The following DMD variants were observed in gnomAD, a reference collection of about 807,000 sequenced individuals.
The protein encoded by DMD is mutant dystrophin.
In DMD, 63 loss-of-function variants were observed where a neutral mutation model predicts 330.1. That is an observed-to-expected ratio of 0.19 (90% CI 0.16 to 0.24). The LOEUF is 0.24. Among genes scored for constraint, DMD ranks in the 10% least tolerant of loss-of-function variants. The probability of loss-of-function intolerance (pLI) is 1.00; values close to 1 mark genes in which losing one functional copy is unlikely to be tolerated. For missense variants in DMD, 3,344 were observed against 2,684.1 expected (o/e 1.25, Z -5.43); for synonymous variants, 1,223 against 959.8 (o/e 1.27, Z -5.07).
intron 2 of DMD, among the ~76,000 whole-genome samples, chrX:32,991,140 T>TA (rs772145208): frequency 9.0e-6 from 1 of 111,383 alleles, no homozygotes; most frequent in South Asian, 3.7e-4. Context: ...ACTTCAAAAT[T>TA]ATATATATTA....
intron 1 of DMD, among the ~76,000 whole-genome samples, chrX:33,172,997 A>AT (rs762500175): frequency 9.0e-6 from 1 of 111,160 alleles, no homozygotes; most frequent in Admixed American, 9.6e-5. Flanking sequence ...TACTTAACAA[A>AT]TTTTTTTTAC....
At chrX:32,980,829 T>C (rs1245986434) in intron 2 of DMD, among the ~76,000 whole-genome samples, 1 of 112,071 alleles carries the variant, frequency 8.9e-6, no homozygotes, top group African/African-American at 3.2e-5. Context: ...ATATCTCCTT[T>C]ACTAATGATA....
At chrX:32,981,456 A>G (rs1443804119) in intron 2 of DMD, among the ~76,000 whole-genome samples, 1 of 111,692 alleles carries the variant, frequency 9.0e-6, no homozygotes, top group Non-Finnish European at 1.9e-5. Flanking sequence ...TTGTCTCTAA[A>G]TAAGGTTTAG....
At chrX:32,767,480 C>G (rs780849051) in intron 7 of DMD, among the ~76,000 whole-genome samples, 6 of 111,492 alleles carry the variant, frequency 5.4e-5, no homozygotes, top group African/African-American at 1.9e-4. Flanking sequence ...CTTACTTTTT[C>G]TAGACTTATA....
chrX:32,076,959 A>G (rs2096357072), intron 44 of DMD, among the ~76,000 whole-genome samples: 1 of 112,040 alleles, frequency 8.9e-6, no homozygotes, highest in East Asian at 2.8e-4. Context: ...TGATGATAAT[A>G]AAATGAGAAA....
At chrX:32,252,737 T>TATATAAATATATAA (rs1569553637) in intron 43 of DMD, among the ~76,000 whole-genome samples, 7 of 35,858 alleles carry the variant, frequency 2.0e-4, no homozygotes, top group African/African-American at 3.2e-4. Flanking sequence ...TATATAAATA[T>TATATAAATATATAA]ATATATAAAT....
At chrX:32,695,332 G>C (rs1395174641) in intron 9 of DMD, among the ~76,000 whole-genome samples, 3 of 111,960 alleles carry the variant, frequency 2.7e-5, no homozygotes, top group Admixed American at 9.5e-5. Flanking sequence ...TCTGAGCTAA[G>C]GGAAGCATAA....
intron 11 of DMD, among the ~76,000 whole-genome samples, chrX:32,643,432 CA>C (rs1169060699): frequency 9.1e-6 from 1 of 110,032 alleles, no homozygotes; most frequent in Non-Finnish European, 1.9e-5. Flanking sequence ...TTCAAATCCA[CA>C]GTTGGCACTT....
chrX:31,187,615 T>C (rs2041891878), intron 67 of DMD, among the ~76,000 whole-genome samples: 1 of 110,646 alleles, frequency 9.0e-6, no homozygotes, highest in African/African-American at 3.3e-5. Flanking sequence ...GTGCACATTA[T>C]ATCTGCCTCT....
intron 1 of DMD, among the ~76,000 whole-genome samples, chrX:33,071,618 G>A (rs1569552632): frequency 1.8e-5 from 2 of 110,557 alleles, no homozygotes; most frequent in Admixed American, 9.7e-5. Flanking sequence ...TGAGCTTAAA[G>A]AATATATTCA....
At chrX:32,125,441 G>A (rs2096657068) in intron 44 of DMD, among the ~76,000 whole-genome samples, 1 of 111,716 alleles carries the variant, frequency 9.0e-6, no homozygotes, top group Admixed American at 9.5e-5. Flanking sequence ...TGAAGGACAA[G>A]GTCGAACATT....
chrX:31,636,301 T>G (rs2148476264), intron 54 of DMD, among the ~76,000 whole-genome samples: 1 of 111,770 alleles, frequency 8.9e-6, no homozygotes, highest in South Asian at 3.8e-4. Context: ...GACATGAGTT[T>G]ACCTATATAA....
At chrX:31,390,718 C>T (rs1238451406) in intron 60 of DMD, among the ~76,000 whole-genome samples, 2 of 111,902 alleles carry the variant, frequency 1.8e-5, no homozygotes, top group African/African-American at 6.5e-5. Flanking sequence ...TTTCTTTCAT[C>T]AAGACAACTG....
At chrX:31,794,831 T>C (rs981009934) in intron 50 of DMD, among the ~76,000 whole-genome samples, 3 of 111,123 alleles carry the variant, frequency 2.7e-5, no homozygotes, top group African/African-American at 9.8e-5. Flanking sequence ...CAAGATATGA[T>C]TGCGTCAAAG....
At chrX:32,668,716 C>A (rs964077816) in intron 9 of DMD, among the ~76,000 whole-genome samples, 2 of 110,341 alleles carry the variant, frequency 1.8e-5, no homozygotes, top group African/African-American at 3.3e-5. Flanking sequence ...TGCTCTCTTC[C>A]CTATGCCATC....
chrX:32,489,617 C>T (rs1160711161), intron 20 of DMD, among the ~76,000 whole-genome samples: 2 of 111,193 alleles, frequency 1.8e-5, no homozygotes, highest in East Asian at 2.8e-4. Flanking sequence ...TTTAAGCCAC[C>T]GAGTCTGTGG....
intron 9 of DMD, among the ~76,000 whole-genome samples, chrX:32,682,390 C>A (rs773460516): frequency 9.0e-6 from 1 of 111,388 alleles, no homozygotes; most frequent in African/African-American, 3.3e-5. Flanking sequence ...TGACCGACTG[C>A]CTTTTACAAC....
chrX:32,306,355 T>A (rs1441475758), intron 42 of DMD, among the ~76,000 whole-genome samples: 1 of 111,109 alleles, frequency 9.0e-6, no homozygotes, highest in Non-Finnish European at 1.9e-5. Context: ...CGACCTGGCT[T>A]CACACTATCT....
chrX:33,010,044 ATGTG>A (rs1407870988), intron 2 of DMD, among the ~76,000 whole-genome samples: 2 of 42,962 alleles, frequency 4.7e-5, no homozygotes, highest in Non-Finnish European at 6.6e-5. Context: ...GTATATACAC[ATGTG>A]TATATATACG....
Sources: allele counts gnomAD v4.1 joint callset (sites outside exome capture counted in the v4.1 genomes callset), GRCh38; gene constraint gnomAD v4.1.1; transcripts MANE v1.5; gene names NCBI Gene and HGNC (gene_info 2026-07-23, HGNC 2026-07-21).